Variants in DAAM1 observed in about 807,000 individuals in gnomAD.
DAAM1 encodes disheveled-associated activator of morphogenesis 1.
DAAM1 carries 52 observed loss-of-function variants against 130.0 expected under a neutral mutation model. The ratio of observed to expected loss-of-function variants is 0.40; its 90% CI spans 0.32 to 0.50. DAAM1 has a LOEUF of 0.50. DAAM1 is among the 20% of genes least tolerant of loss of function. The pLI is 0.61. For synonymous variants in DAAM1, 452 were observed against 444.5 expected (o/e 1.02, Z -0.21); for missense variants, 1,134 against 1,303.8 (o/e 0.87, Z 2.01).
Position 59,315,286 on chromosome 14 carries a change from G to A in DAAM1, c.280G>A (p.Glu94Lys). 6.2e-7 allele frequency: 1 copy of A among 1,613,928 alleles called. No homozygotes were observed. The highest frequency in any genetic ancestry group is 1.1e-5 in the South Asian group (1 of 91,072). ...TTTTTTCCCCCCTTTTTAGGACCAG[G>A]AAGAAAACAAGGGAGCTACAAGTTG... is the stretch of plus-strand genomic sequence containing the variant. ...QIYCSKKKDQ[E>K]ENKGATSWPE... Residue 94 changes from glutamate (E) to lysine (K), a missense_variant, in exon 4 of 25, where the codon GAA becomes AAA. Transcript: ENST00000360909.
intron 1 of DAAM1, among the ~76,000 whole-genome samples, chr14:59,250,148 G>A (rs138890593): frequency 1.4e-4 from 22 of 152,260 alleles, no homozygotes; most frequent in East Asian, 3.9e-4. Flanking sequence ...CCCTGAGACC[G>A]TTTGAAGAAC....
intron 20 of DAAM1, among the ~76,000 whole-genome samples, chr14:59,356,582 C>T (rs191042711): frequency 8.7e-4 from 133 of 152,298 alleles, no homozygotes; most frequent in African/African-American, 3.2e-3. Context: ...TATTTGACAC[C>T]TGTGTTGTTG....
At chr14:59,203,403 T>C (rs1275304201) in intron 1 of DAAM1, among the ~76,000 whole-genome samples, 1 of 152,154 alleles carries the variant, frequency 6.6e-6, no homozygotes, top group Non-Finnish European at 1.5e-5. Context: ...ATGAATTTTA[T>C]GGTACACAAA....
chr14:59,321,482 G>A, intron 5 of DAAM1, among the ~76,000 whole-genome samples: 1 of 152,172 alleles, frequency 6.6e-6, no homozygotes, highest in Non-Finnish European at 1.5e-5. Context: ...TTAAAGATGG[G>A]TACACTTTCT....
intron 1 of DAAM1, among the ~76,000 whole-genome samples, chr14:59,193,431 GA>G (rs1165482164): frequency 2.0e-5 from 3 of 152,092 alleles, no homozygotes; most frequent in East Asian, 3.9e-4. Flanking sequence ...TCATCCAGCA[GA>G]TTTTTTTTTT....
intron 1 of DAAM1, among the ~76,000 whole-genome samples, chr14:59,239,513 C>T (rs1377100128): frequency 1.3e-5 from 2 of 152,172 alleles, no homozygotes; most frequent in Non-Finnish European, 2.9e-5. Context: ...TTTCTTCCTC[C>T]CCTGCCCCAA....
At position 59,339,671 on chromosome 14, in the gene DAAM1, G is replaced by A. The variant is rs190214045; in HGVS notation, c.1969-403G>A. On this transcript the variant is annotated intron_variant, in intron 15 of 24. Coordinates refer to ENST00000360909, the MANE Select transcript of DAAM1 (RefSeq NM_001270520.2). The stretch of plus-strand genomic sequence containing the variant: ...ATGCAGATGGTTCTGGGGTGAATGG[G>A]CCTTGCAAGTGGCTGGACCGGCAAT... 1.0e-3 allele frequency among the ~76,000 whole-genome samples: 159 copies of A among 152,248 alleles called. 2 individuals carry two copies. The highest frequency in any genetic ancestry group is 3.7e-3 in the African/African-American group (155 of 41,532).
At chr14:59,284,926 G>A (rs1344374652) in intron 2 of DAAM1, among the ~76,000 whole-genome samples, 1 of 152,098 alleles carries the variant, frequency 6.6e-6, no homozygotes, top group Non-Finnish European at 1.5e-5. Context: ...TCTCACTAGA[G>A]GGGTTGACGT....
At chr14:59,294,138 G>T (rs989419761) in intron 3 of DAAM1, among the ~76,000 whole-genome samples, 5 of 152,166 alleles carry the variant, frequency 3.3e-5, no homozygotes, top group Non-Finnish European at 7.3e-5. Flanking sequence ...GAAGCCAACC[G>T]AAACAGATGG....
chr14:59,349,982 A>G (rs564166652), intron 17 of DAAM1, among the ~76,000 whole-genome samples: 17 of 152,132 alleles, frequency 1.1e-4, no homozygotes, highest in South Asian at 2.1e-4. Flanking sequence ...TCCTTGCCCA[A>G]TGGGTAAAAA....
At chr14:59,215,010 C>T (rs895699837) in intron 1 of DAAM1, among the ~76,000 whole-genome samples, 1 of 152,152 alleles carries the variant, frequency 6.6e-6, no homozygotes, top group Non-Finnish European at 1.5e-5. Context: ...TTTTTAAACA[C>T]TGTATTCTGT....
At chr14:59,368,449 GGTT>G (rs978163260) in intron 24 of DAAM1, among the ~76,000 whole-genome samples, 198 bp from the exon 25 acceptor site, 1 of 151,928 alleles carries the variant, frequency 6.6e-6, no homozygotes, top group African/African-American at 2.4e-5. Flanking sequence ...ACAAGGGAGT[GGTT>G]GTTTTTTGTT....
chr14:59,212,075 G>A (rs1159332664), intron 1 of DAAM1, among the ~76,000 whole-genome samples: 1 of 151,876 alleles, frequency 6.6e-6, no homozygotes, highest in Admixed American at 6.6e-5. Flanking sequence ...TTTTTTAATG[G>A]GGCTGATTCT....
At chr14:59,335,588 A>G (rs1885596268) in intron 15 of DAAM1, among the ~76,000 whole-genome samples, 1 of 152,224 alleles carries the variant, frequency 6.6e-6, no homozygotes, top group African/African-American at 2.4e-5. Context: ...TAAAGGCACT[A>G]CATTTACCTA....
chr14:59,343,784 G>A (rs1885946389), intron 16 of DAAM1, among the ~76,000 whole-genome samples: 3 of 152,178 alleles, frequency 2.0e-5, no homozygotes, highest in Admixed American at 2.0e-4. Context: ...GCCTGAGTGA[G>A]TAGGATATTT....
Position 59,326,511 on chromosome 14 carries a change from C to T in DAAM1, c.1176C>T (p.Tyr392=), listed in dbSNP as rs1594824907. 6.4e-7 allele frequency: 1 copy of T among 1,568,070 alleles called. No individual in the cohort carries two copies. The change falls in exon 11 of 25, where the codon TAC becomes TAT. Residue 392 remains tyrosine (Y), a splice_region_variant and synonymous_variant. Coordinates refer to ENST00000360909, the MANE Select transcript of DAAM1 (RefSeq NM_001270520.2). ...SILHHCLQMP[Y]KRSGNTVQYW... is the part of the protein sequence containing the mutation. ...TTTCACTATTCTTTTCTTTTTTAGA[C>T]AAGAGGAGTGGCAACACTGTTCAGT...
chr14:59,371,225 A>G lies in DAAM1; in HGVS notation c.*2366A>G, dbSNP rs765897306. On this transcript the variant is annotated 3_prime_UTR_variant, in exon 25 of 25. Transcript: ENST00000360909. Reference sequence around the variant, plus strand: ...AATTAATGCCAAAAAGAAAATGCATAATTTGTAAACTTAATTATATGTCTT... The same window carrying G: ...AATTAATGCCAAAAAGAAAATGCATGATTTGTAAACTTAATTATATGTCTT... The G allele has an allele frequency of 1.2e-4, 18 of 152,140 alleles. No individual in the cohort carries two copies. The highest frequency in any genetic ancestry group is 2.6e-4 in the Non-Finnish European group (18 of 68,012). 9.4% of individuals were successfully genotyped at this position (152,140 alleles called of 1,614,324 possible). A position where few individuals can be genotyped will look rare whatever the true frequency, so the allele number is the denominator to read the frequency against.
intron 1 of DAAM1, among the ~76,000 whole-genome samples, chr14:59,243,122 G>T (rs1253016): frequency 0.19 from 28,159 of 152,084 alleles, 3,163 homozygotes; most frequent in Non-Finnish European, 0.25. Flanking sequence ...TTGATCCTGG[G>T]CTGTGACCTT....
chr14:59,208,221 C>T (rs1888322724), intron 1 of DAAM1, among the ~76,000 whole-genome samples: 1 of 152,012 alleles, frequency 6.6e-6, no homozygotes, highest in African/African-American at 2.4e-5. Flanking sequence ...CCCAGTTGAC[C>T]GAATAGACAC....
Sources: allele counts gnomAD v4.1 joint callset (sites outside exome capture counted in the v4.1 genomes callset), GRCh38; gene constraint gnomAD v4.1.1; transcripts MANE v1.5; gene names NCBI Gene and HGNC (gene_info 2026-07-23, HGNC 2026-07-21).